Variants in NXPE2 observed in about 807,000 individuals in gnomAD.
NXPE2 encodes neurexophilin and PC-esterase domain family member 2.
Under a neutral mutation model 34.4 loss-of-function variants are expected in NXPE2, and 34 were observed. The ratio of observed to expected loss-of-function variants is 0.99; its 90% CI spans 0.75 to 1.31. The LOEUF (loss-of-function observed/expected upper bound fraction) is 1.31, where lower values mean the gene tolerates loss of function less well. Ranked by LOEUF, NXPE2 falls within the 40% of genes most tolerant of loss-of-function variation. NXPE2 has a pLI of 0.00. For synonymous variants in NXPE2, 235 were observed against 231.3 expected, an observed-to-expected ratio of 1.02 and a Z score of -0.15; for missense variants, 649 against 672.5, an observed-to-expected ratio of 0.97 and a Z score of 0.39.
the NXPE2 span, among the ~76,000 whole-genome samples, chr11:114,713,267 G>T: frequency 5.9e-5 from 9 of 152,130 alleles, no homozygotes; most frequent in Admixed American, 4.6e-4. Flanking sequence ...AATTTAAATG[G>T]TTAAGAGGAA....
the NXPE2 span, among the ~76,000 whole-genome samples, chr11:114,601,582 T>TATAATATATATTATTTATAATTATATATA: frequency 1.1e-5 from 1 of 87,740 alleles, no homozygotes; most frequent in South Asian, 3.0e-4. Context: ...TATAATTATA[T>TATAATATATATTATTTATAATTATATATA]ATTATATATA....
At chr11:114,768,618 G>A in the NXPE2 span, among the ~76,000 whole-genome samples, 30,174 of 152,014 alleles carry the variant, frequency 0.2, 3,509 homozygotes, top group South Asian at 0.29. Context: ...CCTTGAAGAG[G>A]TTCTTCACAT....
chr11:114,493,997 C>T, the NXPE2 span, among the ~76,000 whole-genome samples: 1 of 151,976 alleles, frequency 6.6e-6, no homozygotes, highest in East Asian at 1.9e-4. Context: ...AAAGTTTTTT[C>T]CTTCAGCACT....
chr11:114,721,665 A>G, the NXPE2 span, among the ~76,000 whole-genome samples: 5 of 152,220 alleles, frequency 3.3e-5, no homozygotes, highest in African/African-American at 1.2e-4. Flanking sequence ...CACTGTGCCC[A>G]GTGTTTTAGT....
the NXPE2 span, among the ~76,000 whole-genome samples, chr11:114,666,682 A>G: frequency 1.3e-5 from 2 of 152,142 alleles, no homozygotes; most frequent in South Asian, 2.1e-4. Context: ...TGGTTTCACA[A>G]AATAATTTCT....
At chr11:114,784,171 T>A in the NXPE2 span, among the ~76,000 whole-genome samples, 3 of 152,216 alleles carry the variant, frequency 2.0e-5, no homozygotes, top group Admixed American at 6.5e-5. Context: ...ATAGGTTCTC[T>A]CAGCTCCACT....
At chr11:114,632,072 G>C in the NXPE2 span, among the ~76,000 whole-genome samples, 2 of 130,986 alleles carry the variant, frequency 1.5e-5, no homozygotes, top group Non-Finnish European at 1.6e-5. Flanking sequence ...GAATTGTATA[G>C]TATAATATTA....
chr11:114,698,859 T>G, intron 3 of NXPE2, 81 bp downstream of exon 3: 1 of 1,289,248 alleles, frequency 7.8e-7, no homozygotes, highest in Non-Finnish European at 1.0e-6. Context: ...CTAATCAAAC[T>G]TTTGTATCAT....
chr11:114,796,180 T>A, the NXPE2 span, among the ~76,000 whole-genome samples: 9 of 152,190 alleles, frequency 5.9e-5, no homozygotes, highest in African/African-American at 2.2e-4. Context: ...TTTTTGCATT[T>A]AAAAAATTTA....
intron 3 of NXPE2, 116 bp downstream of exon 3, chr11:114,698,894 A>G (rs1002480392): frequency 7.0e-6 from 7 of 1,001,930 alleles, no homozygotes; most frequent in Non-Finnish European, 9.9e-6. Context: ...CTAAATTATA[A>G]TTAGGTCCTC....
the NXPE2 span, among the ~76,000 whole-genome samples, chr11:114,717,623 G>A: frequency 6.6e-6 from 1 of 152,190 alleles, no homozygotes; most frequent in Non-Finnish European, 1.5e-5. Flanking sequence ...GCGAACCTAA[G>A]ATAATGCCAC....
the NXPE2 span, among the ~76,000 whole-genome samples, chr11:114,643,792 C>A: frequency 6.6e-6 from 1 of 151,274 alleles, no homozygotes; most frequent in Admixed American, 6.6e-5. Context: ...TTTAATAATT[C>A]TGTGAAGAAA....
At chr11:114,531,825 G>C in the NXPE2 span, among the ~76,000 whole-genome samples, 829 of 152,194 alleles carry the variant, frequency 5.4e-3, 6 homozygotes, top group African/African-American at 0.019. Context: ...CAACCTCAGA[G>C]GTCACTTATG....
At chr11:114,631,212 A>T in the NXPE2 span, among the ~76,000 whole-genome samples, 8 of 151,994 alleles carry the variant, frequency 5.3e-5, no homozygotes, top group African/African-American at 1.9e-4. Context: ...TGCTATAAAG[A>T]CACATGCACA....
chr11:114,605,350 A>C, the NXPE2 span, among the ~76,000 whole-genome samples: 1 of 151,674 alleles, frequency 6.6e-6, no homozygotes, highest in African/African-American at 2.4e-5. Flanking sequence ...CTCGTGGGTG[A>C]CCACTGTTAC....
At chr11:114,732,184 T>A in the NXPE2 span, among the ~76,000 whole-genome samples, 2 of 152,260 alleles carry the variant, frequency 1.3e-5, no homozygotes, top group African/African-American at 4.8e-5. Flanking sequence ...TATATAATTC[T>A]AATATAGGAC....
the NXPE2 span, among the ~76,000 whole-genome samples, chr11:114,805,392 C>T: frequency 1.8e-4 from 27 of 152,198 alleles, no homozygotes; most frequent in African/African-American, 4.1e-4. Flanking sequence ...GGCAAGGCAT[C>T]GCCTCACCCG....
chr11:114,470,638 C>T, the NXPE2 span, among the ~76,000 whole-genome samples: 1 of 145,172 alleles, frequency 6.9e-6, no homozygotes, highest in East Asian at 2.0e-4. Flanking sequence ...CAGAGAGGTA[C>T]TTGTTTAAGG....
chr11:114,807,374 G>C, the NXPE2 span, among the ~76,000 whole-genome samples: 7 of 152,298 alleles, frequency 4.6e-5, no homozygotes, highest in African/African-American at 1.7e-4. Context: ...GCTAAATGCT[G>C]CAATTAAATG....
Sources: allele counts gnomAD v4.1 joint callset (sites outside exome capture counted in the v4.1 genomes callset), GRCh38; gene constraint gnomAD v4.1.1; transcripts MANE v1.5; gene names NCBI Gene and HGNC (gene_info 2026-07-23, HGNC 2026-07-21).